The following NPR2 variants were observed in gnomAD, a reference collection of about 807,000 sequenced individuals.
The protein encoded by NPR2 is atrial natriuretic peptide receptor 2.
In NPR2, 49 loss-of-function variants were observed where a neutral mutation model predicts 120.7. The ratio of observed to expected loss-of-function variants is 0.41; its 90% CI spans 0.32 to 0.52. The LOEUF is 0.52. Ranked by LOEUF, NPR2 falls within the 20% of genes least tolerant of loss-of-function variation. The pLI, the probability that NPR2 is intolerant of heterozygous loss-of-function variation, is 0.36. For synonymous variants in NPR2, 484 were observed against 519.8 expected (o/e 0.93, Z 0.94); for missense variants, 931 against 1,362.9 (o/e 0.68, Z 4.99).
At position 35,805,570 on chromosome 9, in the gene NPR2, C is replaced by A; in HGVS notation, c.1947C>A (p.Asn649Lys). Residue 649 changes from asparagine to lysine, a missense_variant, in exon 13 of 22, where the codon AAC becomes AAA. Asn to Lys is a moderately conservative substitution (Grantham distance 94). Transcript: ENST00000342694. This position sits in a 1 kb window ranked among gnomAD's most constrained non-coding sequence, Gnocchi z 4.9. Reference protein sequence around the residue: ...ISSHGSLKSSNCVVDSRFVLK... With the variant: ...ISSHGSLKSSKCVVDSRFVLK... ...CGCATGGGAGTCTCAAGTCCTCCAA[C>A]TGTGTGGTGGATAGTCGTTTTGTGC... is the stretch of plus-strand genomic sequence containing the variant. 2 of 1,614,120 alleles carry A rather than the reference C, an allele frequency of 1.2e-6. No individual in the cohort carries two copies. Among genetic ancestry groups the A allele is most frequent in the Non-Finnish European group, 1.7e-6 (2 of 1,179,936 alleles).
In NPR2 at chr9:35,802,215, G is replaced by A; in HGVS notation, c.1642G>A (p.Val548Ile). 1.2e-6 allele frequency: 2 copies of A among 1,603,560 alleles called. No individual in the cohort carries two copies. Among genetic ancestry groups the A allele is most frequent in the Non-Finnish European group, 1.7e-6 (2 of 1,170,636 alleles). ...ANTGHFKGNV[V>I]AIKHVNKKRI... ...TCACTCCCACCATCAGGGAAATGTTGTCGCCATCAAACATGTGAATAAGAA... is the reference window on the plus strand; with the variant it reads ...TCACTCCCACCATCAGGGAAATGTTATCGCCATCAAACATGTGAATAAGAA... The change falls in exon 10 of 22, where the codon GTC (valine) becomes ATC (isoleucine). Residue 548 changes from valine to isoleucine, a missense_variant. By Grantham distance (29) the Val-to-Ile change is conservative. Coordinates refer to ENST00000342694, the MANE Select transcript of NPR2 (RefSeq NM_003995.4). This position sits in a 1 kb window ranked among gnomAD's most constrained non-coding sequence, Gnocchi z 4.2.
chr9:35,800,481 C>T lies in NPR2; in HGVS notation c.1216C>T (p.Gln406Ter). The T allele has an allele frequency of 6.2e-7, 1 of 1,612,662 alleles. No homozygotes were observed. The change falls in exon 5 of 22, where the codon CAG becomes TAG. Residue 406 changes from glutamine to a stop codon, truncating the protein, a stop_gained and splice_region_variant. Coordinates refer to ENST00000342694, the MANE Select transcript of NPR2 (RefSeq NM_003995.4). LOFTEE classifies it high-confidence loss of function. The surrounding 1 kb of genome is among the most constrained non-coding windows in gnomAD (Gnocchi z 4.7). Reference protein sequence around the residue: ...AMGDLDSGDFQPAAHYSGAEK... With the variant: ...AMGDLDSGDF The stretch of plus-strand genomic sequence containing the variant: ...GGGAGACCTGGATTCTGGGGACTTT[C>T]AGGTGATGGAGGAGGAGGCAGGGAA...
In NPR2 at chr9:35,809,612, T is replaced by A; in HGVS notation, c.*167T>A. On this transcript the variant is annotated 3_prime_UTR_variant, in exon 22 of 22. Coordinates refer to ENST00000342694, the MANE Select transcript of NPR2 (RefSeq NM_003995.4). This position sits in a 1 kb window ranked among gnomAD's most constrained non-coding sequence, Gnocchi z 4.1. The stretch of plus-strand genomic sequence containing the variant: ...TGTAGCCCTCTGCAGCTCAGCCCTG[T>A]ACATATACCTGTCCCTCTCTGGCTT... 1 of 1,180,322 alleles carries A rather than the reference T, an allele frequency of 8.5e-7. No homozygotes were observed. Among genetic ancestry groups the A allele is most frequent in the Non-Finnish European group, 1.3e-6 (1 of 792,112 alleles). The allele number at this position is 1,180,322 out of a possible 1,614,324, so 73.1% of individuals were successfully genotyped here. A position where few individuals can be genotyped will look rare whatever the true frequency, so the allele number is the denominator to read the frequency against.
At chr9:35,796,870 C>A (rs1827960222) in intron 2 of NPR2, among the ~76,000 whole-genome samples, 1 of 152,160 alleles carries the variant, frequency 6.6e-6, no homozygotes, top group Non-Finnish European at 1.5e-5. Flanking sequence ...GCCTTTCTCC[C>A]AGAGACACTG....
chr9:35,800,293 C>G lies in NPR2; in HGVS notation c.1124-96C>G. The G allele has an allele frequency of 7.1e-7, 1 of 1,410,348 alleles. No individual in the cohort carries two copies. The highest frequency in any genetic ancestry group is 1.0e-6 in the Non-Finnish European group (1 of 994,570). 87.4% of individuals were successfully genotyped at this position (1,410,348 alleles called of 1,614,324 possible). On this transcript the variant is annotated intron_variant, in intron 4 of 21. Transcript: ENST00000342694. This position sits in a 1 kb window ranked among gnomAD's most constrained non-coding sequence, Gnocchi z 4.7. Reference sequence around the variant, plus strand: ...GGCAGAGTTGCCCACACCTCAAGATCGGGGAAGGGTAGACTCTGAGGGAGC... The same window carrying G: ...GGCAGAGTTGCCCACACCTCAAGATGGGGGAAGGGTAGACTCTGAGGGAGC...
At position 35,800,529 on chromosome 9, in the gene NPR2, C is replaced by T. The variant is rs1366131228; in HGVS notation, c.1218+46C>T. The T allele has an allele frequency of 3.1e-6, 5 of 1,590,312 alleles. No individual in the cohort carries two copies. The highest frequency in any genetic ancestry group is 4.3e-6 in the Non-Finnish European group (5 of 1,158,792). Reference sequence around the variant, plus strand: ...GAAGAGAGTGTGGCCCTGCAAAATCCAGCTTTCAAGGGTTCAGTCGGGGCA... The same window carrying T: ...GAAGAGAGTGTGGCCCTGCAAAATCTAGCTTTCAAGGGTTCAGTCGGGGCA... On this transcript the variant is annotated intron_variant, in intron 5 of 21. Transcript: ENST00000342694. The surrounding 1 kb of genome is among the most constrained non-coding windows in gnomAD (Gnocchi z 4.7).
Position 35,801,652 on chromosome 9 carries a change from G to A in NPR2, c.1446G>A (p.Met482Ile). The A allele has an allele frequency of 6.2e-7, 1 of 1,614,172 alleles. No homozygotes were observed. The highest frequency in any genetic ancestry group is 8.5e-7 in the Non-Finnish European group (1 of 1,180,008). Residue 482 changes from methionine (M) to isoleucine (I), a missense_variant, in exon 8 of 22, where the codon ATG becomes ATA. Met to Ile is a conservative substitution (Grantham distance 10). Around this residue, in one of 3 missense-constraint regions of NPR2, gnomAD observed 681 missense variants for 974.3 expected, o/e 0.70. Coordinates refer to ENST00000342694, the MANE Select transcript of NPR2 (RefSeq NM_003995.4). Reference protein sequence around the residue: ...VSSFLIFRKLMLEKELASMLW... With the variant: ...VSSFLIFRKLILEKELASMLW... ...TGTGCAGTCCTTACAGAAAGCTGAT[G>A]CTGGAGAAGGAGCTGGCTAGCATGT...
Position 35,802,519 on chromosome 9 carries a change from T to C in NPR2, c.1727T>C (p.Phe576Ser). 3 of 1,592,506 alleles carry C rather than the reference T, an allele frequency of 1.9e-6. No individual in the cohort carries two copies. The highest frequency in any genetic ancestry group is 2.6e-6 in the Non-Finnish European group (3 of 1,160,298). The change falls in exon 11 of 22, where the codon TTC (phenylalanine) becomes TCC (serine). Residue 576 changes from phenylalanine (F) to serine (S), a missense_variant. Coordinates refer to ENST00000342694, the MANE Select transcript of NPR2 (RefSeq NM_003995.4). This position sits in a 1 kb window ranked among gnomAD's most constrained non-coding sequence, Gnocchi z 4.2. Reference protein sequence around the residue: ...FELKHMRDVQFNHLTRFIGAC... With the variant: ...FELKHMRDVQSNHLTRFIGAC... The stretch of plus-strand genomic sequence containing the variant: ...TTCTGCCAGATGAGAGATGTTCAGT[T>C]CAACCATCTCACTCGCTTCATTGGC...
At chr9:35,793,098 T>A in intron 1 of NPR2, 23 bp downstream of exon 1, 1 of 1,572,362 alleles carries the variant, frequency 6.4e-7, no homozygotes. Flanking sequence ...TGGGCTATTT[T>A]AGGGTCATGG....
rs981861405 is a variant in NPR2, at chr9:35,792,135, G to A, written c.-274G>A. 72 of 539,868 alleles carry A rather than the reference G, an allele frequency of 1.3e-4. No individual in the cohort carries two copies. Among genetic ancestry groups the A allele is most frequent in the Non-Finnish European group, 2.1e-4 (64 of 300,780 alleles). The allele number at this position is 539,868 out of a possible 1,614,324, so 33.4% of individuals were successfully genotyped here. ...TCGCACTGTCCCCATCCTGGCCGCA[G>A]GCCCCCTCGGTCCCTCCCTCCCCCT... On this transcript the variant is annotated 5_prime_UTR_variant, in exon 1 of 22. Transcript: ENST00000342694.
Position 35,800,924 on chromosome 9 carries a change from T to A in NPR2, c.1351+83T>A. The A allele has an allele frequency of 6.3e-7, 1 of 1,592,480 alleles. No homozygotes were observed. The highest frequency in any genetic ancestry group is 8.6e-7 in the Non-Finnish European group (1 of 1,160,270). On this transcript the variant is annotated intron_variant, in intron 6 of 21. Coordinates refer to ENST00000342694, the MANE Select transcript of NPR2 (RefSeq NM_003995.4). This position sits in a 1 kb window ranked among gnomAD's most constrained non-coding sequence, Gnocchi z 4.7. The stretch of plus-strand genomic sequence containing the variant: ...TCCACCCTCACTGACCCTCCACTCT[T>A]AACTGTGCTTCTGCCTTTACGTCTG...
At chr9:35,799,353 C>A (rs925953653) in intron 2 of NPR2, among the ~76,000 whole-genome samples, 3 of 151,782 alleles carry the variant, frequency 2.0e-5, no homozygotes, top group African/African-American at 7.3e-5. Context: ...TCCACCTTCC[C>A]AGAACCAGTC....
intron 1 of NPR2, 117 bp downstream of exon 1, chr9:35,793,192 G>A (rs1827842147): frequency 8.7e-7 from 1 of 1,146,188 alleles, no homozygotes; most frequent in Non-Finnish European, 1.2e-6. Flanking sequence ...GTGGTGGTTG[G>A]GATCAAGAAG....
chr9:35,802,509 G>C lies in NPR2; in HGVS notation c.1717G>C (p.Asp573His), dbSNP rs1470699338. ...CATTGTTTTTTTCTGCCAGATGAGA[G>C]ATGTTCAGTTCAACCATCTCACTCG... ...QVLFELKHMR[D>H]VQFNHLTRFI... Residue 573 changes from aspartate to histidine, a missense_variant, in exon 11 of 22, where the codon GAT (aspartate) becomes CAT (histidine). Physicochemically the swap from Asp to His is moderately conservative, Grantham distance 81. Transcript: ENST00000342694. This position sits in a 1 kb window ranked among gnomAD's most constrained non-coding sequence, Gnocchi z 4.2. 5 of 1,584,602 alleles carry C rather than the reference G, an allele frequency of 3.2e-6. No individual in the cohort carries two copies.
chr9:35,809,070 C>A lies in NPR2; in HGVS notation c.2987-86C>A. 1 of 1,300,518 alleles carries A rather than the reference C, an allele frequency of 7.7e-7. No homozygotes were observed. The highest frequency in any genetic ancestry group is 1.1e-6 in the Non-Finnish European group (1 of 897,130). The allele number at this position is 1,300,518 out of a possible 1,614,324, so 80.6% of individuals were successfully genotyped here. On this transcript the variant is annotated intron_variant, in intron 20 of 21. Coordinates refer to ENST00000342694, the MANE Select transcript of NPR2 (RefSeq NM_003995.4). This position sits in a 1 kb window ranked among gnomAD's most constrained non-coding sequence, Gnocchi z 4.1. ...AGCTTCCCAGGGATGGTTGGTCGGG[C>A]ACGGTGCTATACAGTATCACCAATT...
intron 2 of NPR2, among the ~76,000 whole-genome samples, chr9:35,797,127 T>C (rs1248969048): frequency 6.6e-6 from 1 of 152,212 alleles, no homozygotes; most frequent in African/African-American, 2.4e-5. Flanking sequence ...ATATTCCATA[T>C]GTCTAGCATG....
chr9:35,792,127 T>C lies in NPR2; in HGVS notation c.-282T>C, dbSNP rs1181020665. 1 of 474,028 alleles carries C rather than the reference T, an allele frequency of 2.1e-6. No homozygotes were observed. The highest frequency in any genetic ancestry group is 3.9e-5 in the East Asian group (1 of 25,696). 29.4% of individuals were successfully genotyped at this position (474,028 alleles called of 1,614,324 possible). A position where few individuals can be genotyped will look rare whatever the true frequency, so the allele number is the denominator to read the frequency against. On this transcript the variant is annotated 5_prime_UTR_variant, in exon 1 of 22. Transcript: ENST00000342694. ...TCTTCACCTCGCACTGTCCCCATCC[T>C]GGCCGCAGGCCCCCTCGGTCCCTCC...
rs758564951 is a variant in NPR2 at position 35,800,463 on chromosome 9, C to G, written c.1198C>G (p.Leu400Val). 3 of 1,613,772 alleles carry G rather than the reference C, an allele frequency of 1.9e-6. No individual in the cohort carries two copies. In the East Asian group the frequency reaches 6.7e-5, roughly 36 times the overall value. The stretch of plus-strand genomic sequence containing the variant: ...CTTTGTCCTCTGGGCCATGGGAGAC[C>G]TGGATTCTGGGGACTTTCAGGTGAT... ...TDFVLWAMGDLDSGDFQPAAH... is the reference protein window; with the variant it reads ...TDFVLWAMGDVDSGDFQPAAH... The change falls in exon 5 of 22, where the codon CTG becomes GTG. Residue 400 changes from leucine (L) to valine (V), a missense_variant. By Grantham distance (32) the Leu-to-Val change is conservative. Transcript: ENST00000342694. The surrounding 1 kb of genome is among the most constrained non-coding windows in gnomAD (Gnocchi z 4.7).
intron 2 of NPR2, among the ~76,000 whole-genome samples, chr9:35,795,340 C>T (rs1305892831): frequency 6.6e-6 from 1 of 152,172 alleles, no homozygotes; most frequent in African/African-American, 2.4e-5. Flanking sequence ...TTCCCGATTC[C>T]CCCGCCACTT....
Sources: allele counts gnomAD v4.1 joint callset (sites outside exome capture counted in the v4.1 genomes callset), GRCh38; gene constraint gnomAD v4.1.1; regional missense constraint gnomAD v4.1.1; non-coding constraint Gnocchi (gnomAD v3.1); transcripts MANE v1.5; gene names NCBI Gene and HGNC (gene_info 2026-07-23, HGNC 2026-07-21).